SLC9A3: variants seen among roughly 807,000 people sequenced by gnomAD.
SLC9A3 encodes sodium/hydrogen exchanger 3.
Under a neutral mutation model 86.8 loss-of-function variants are expected in SLC9A3, and 37 were observed. The observed-to-expected ratio is 0.43, with a 90% CI of 0.33 to 0.56. SLC9A3 has a LOEUF of 0.56. SLC9A3 is among the 20% of genes least tolerant of loss of function. The pLI, the probability that SLC9A3 is intolerant of heterozygous loss-of-function variation, is 0.06. For missense variants in SLC9A3, 1,011 were observed against 1,171.9 expected (o/e 0.86, Z 2.00); for synonymous variants, 581 against 528.3 (o/e 1.10, Z -1.37).
At chr5:475,982 C>A in intron 14 of SLC9A3, 38 bp downstream of exon 14, 1 of 1,546,370 alleles carries the variant, frequency 6.5e-7, no homozygotes, top group Non-Finnish European at 8.8e-7. Context: ...GAGGTGGTGG[C>A]TCCCAGTCCC....
chr5:524,151 T>C lies in SLC9A3; in HGVS notation c.172A>G (p.Ile58Val). The change falls in exon 1 of 17, where the codon ATC (isoleucine) becomes GTC (valine). Residue 58 changes from isoleucine to valine, a missense_variant. Ile to Val is a conservative substitution (Grantham distance 29). Around this residue, in one of 3 missense-constraint regions of SLC9A3, gnomAD observed 565 missense variants for 790.0 expected, o/e 0.72. Transcript: ENST00000264938. Reference sequence around the variant, plus strand: ...CTGGCCACGAGGATCCAGAGCGCGATGACGTAGGGATCCTGCACGTGGGCC... The same window carrying C: ...CTGGCCACGAGGATCCAGAGCGCGACGACGTAGGGATCCTGCACGTGGGCC... ...EWAHVQDPYV[I>V]ALWILVASLA... 1 of 1,543,458 alleles carries C rather than the reference T, an allele frequency of 6.5e-7. No individual in the cohort carries two copies. Among genetic ancestry groups the C allele is most frequent in the East Asian group, 2.6e-5 (1 of 37,802 alleles).
At chr5:477,553 T>C (rs1738831703) in intron 10 of SLC9A3, 109 bp from the exon 11 acceptor site, 1 of 681,722 alleles carries the variant, frequency 1.5e-6, no homozygotes, top group Non-Finnish European at 2.4e-6. Context: ...GGGAAAGCCT[T>C]GAGACCTGAG....
At chr5:484,832 C>G (rs1021586225) in intron 4 of SLC9A3, 135 bp from the exon 5 acceptor site, 11 of 826,240 alleles carry the variant, frequency 1.3e-5, no homozygotes, top group South Asian at 1.7e-5. Flanking sequence ...GAGATCGGGC[C>G]TGGTCTCAGC....
intron 5 of SLC9A3, 103 bp from the exon 6 acceptor site, chr5:483,585 C>T: frequency 1.2e-6 from 1 of 838,262 alleles, no homozygotes; most frequent in Non-Finnish European, 2.0e-6. Context: ...GGCCCAGAGT[C>T]ACAGTTGTGT....
chr5:478,729 C>G (rs1376303442), intron 10 of SLC9A3: 1 of 154,636 alleles, frequency 6.5e-6, no homozygotes, highest in Non-Finnish European at 1.5e-5. Context: ...AGAGCCCCCA[C>G]TGTCCCTTCC....
chr5:481,432 C>T (rs578156245), intron 9 of SLC9A3, 133 bp downstream of exon 9: 21 of 797,784 alleles, frequency 2.6e-5, no homozygotes, highest in Admixed American at 3.7e-5. Context: ...CACCTGGCCT[C>T]ATGGGGCACC....
chr5:518,110 G>A (rs1386938425), intron 1 of SLC9A3, among the ~76,000 whole-genome samples: 1 of 152,272 alleles, frequency 6.6e-6, no homozygotes, highest in Non-Finnish European at 1.5e-5. Flanking sequence ...GGAGGAATAA[G>A]ACAGACAACC....
chr5:482,362 A>AT (rs1383453784), intron 7 of SLC9A3, among the ~76,000 whole-genome samples, 186 bp downstream of exon 7: 1 of 152,120 alleles, frequency 6.6e-6, no homozygotes, highest in Non-Finnish European at 1.5e-5. Flanking sequence ...CGGGAAGAAC[A>AT]TTTTTAGGAC....
chr5:490,280 C>CGT (rs1036676598), intron 2 of SLC9A3, among the ~76,000 whole-genome samples: 1 of 74,360 alleles, frequency 1.3e-5, no homozygotes, highest in Non-Finnish European at 3.0e-5. Context: ...TCATGAGGAG[C>CGT]GTTGTTGGAG....
At chr5:502,342 GC>G (rs1740317231) in intron 1 of SLC9A3, among the ~76,000 whole-genome samples, 3 of 152,158 alleles carry the variant, frequency 2.0e-5, no homozygotes, top group African/African-American at 7.2e-5. Context: ...ACAGACACAG[GC>G]AGGTCCCAAG....
chr5:505,954 G>A lies in SLC9A3; in HGVS notation c.212-13883C>T, dbSNP rs949932987. ...TGGGGTTAGGGTTGGGGTGCAGGTG[G>A]AGCCTCTGAAAGGCTTTGAGGAGTT... is the stretch of plus-strand genomic sequence containing the variant. On this transcript the variant is annotated intron_variant, in intron 1 of 16. Transcript: ENST00000264938. 7.2e-5 allele frequency among the ~76,000 whole-genome samples: 11 copies of A among 152,012 alleles called. No individual in the cohort carries two copies. In the East Asian group the frequency reaches 2.1e-3, roughly 29 times the overall value.
rs1560966715 is a variant in SLC9A3 at position 500,644 on chromosome 5, GTGGACATGGGGCTAGTATGGATGGGGCT to G, written c.212-8601_212-8574del. ...TGGGGCAGGCGTGGATGGGGCTGGT[GTGGACATGGGGCTAGTATGGATGGGGCT>G]GGTGTGGATGGGGCCGTGTGGATGG... On this transcript the variant is annotated intron_variant, in intron 1 of 16. Transcript: ENST00000264938. Among the ~76,000 whole-genome samples the G allele has an allele frequency of 3.2e-4, 39 of 122,046 alleles. 2 individuals are homozygous for G. Among genetic ancestry groups the G allele is most frequent in the African/African-American group, 1.4e-3 (36 of 26,484 alleles). The allele number at this position is 122,046 out of a possible 152,430, so 80.1% of individuals were successfully genotyped here.
At chr5:473,744 A>C (rs111881263) in intron 16 of SLC9A3, among the ~76,000 whole-genome samples, 1 of 152,138 alleles carries the variant, frequency 6.6e-6, no homozygotes, top group South Asian at 2.1e-4. Flanking sequence ...GGTGCCTCCC[A>C]GGCCCCCAGA....
In SLC9A3 at chr5:477,434, C is replaced by A. The variant is rs138322600; in HGVS notation, c.1658G>T (p.Arg553Leu). The A allele has an allele frequency of 2.5e-6, 4 of 1,611,688 alleles. No individual in the cohort carries two copies. The South Asian group carries it at 4.4e-5, about 18-fold the overall frequency. Residue 553 changes from arginine to leucine, a missense_variant, in exon 11 of 17, where the codon CGC (arginine) becomes CTC (leucine). Arg to Leu is a moderately radical substitution (Grantham distance 102). Transcript: ENST00000264938. ...AISYVAEGERRGSLAFIRSPS... is the reference protein window; with the variant it reads ...AISYVAEGERLGSLAFIRSPS... The stretch of plus-strand genomic sequence containing the variant: ...GGAGCGGATGAAGGCCAGGGACCCG[C>A]GGCGCTCTCCCTGTGGTCAGGAAGC...
chr5:481,571 C>G lies in SLC9A3; in HGVS notation c.1511G>C (p.Arg504Thr). 6.2e-7 allele frequency: 1 copy of G among 1,613,780 alleles called. No individual in the cohort carries two copies. Among genetic ancestry groups the G allele is most frequent in the Admixed American group, 1.7e-5 (1 of 60,022 alleles). ...ISGQIGHNYL[R>T]DKWSHFDRKF... Reference sequence around the variant, plus strand: ...GGCCGTCCCAGCCACTTACTTGTCTCTGAGATAATTGTGCCCGATCTGTCC... The same window carrying G: ...GGCCGTCCCAGCCACTTACTTGTCTGTGAGATAATTGTGCCCGATCTGTCC... The change falls in exon 9 of 17, where the codon AGA becomes ACA. Residue 504 changes from arginine (R) to threonine (T), a missense_variant. By Grantham distance (71) the Arg-to-Thr change is moderately conservative. This residue lies in a region of SLC9A3 where 565 missense variants were observed against 790.0 expected (regional missense o/e 0.72). Transcript: ENST00000264938.
chr5:476,508 G>A (rs1426069902), intron 12 of SLC9A3, 35 bp downstream of exon 12: 2 of 1,607,176 alleles, frequency 1.2e-6, no homozygotes, highest in Admixed American at 3.3e-5. Context: ...CGGGGTCCCT[G>A]CGGGGTCCTC....
intron 2 of SLC9A3, among the ~76,000 whole-genome samples, chr5:490,502 G>A (rs1383774315): frequency 3.9e-5 from 6 of 152,222 alleles, no homozygotes; most frequent in African/African-American, 9.6e-5. Context: ...AATGCTAGGC[G>A]GGGACCATTG....
At chr5:488,250 G>C (rs1050934286) in intron 3 of SLC9A3, 66 bp downstream of exon 3, 51 of 1,559,772 alleles carry the variant, frequency 3.3e-5, no homozygotes, top group Middle Eastern at 1.7e-4. Context: ...CTGACCGATG[G>C]GGGGTGAGAC....
chr5:523,800 C>G (rs897717773), intron 1 of SLC9A3, among the ~76,000 whole-genome samples: 10 of 152,194 alleles, frequency 6.6e-5, no homozygotes, highest in African/African-American at 2.4e-4. Context: ...ACTCCCTGGG[C>G]GCGAGCAGCC....
Sources: allele counts gnomAD v4.1 joint callset (sites outside exome capture counted in the v4.1 genomes callset), GRCh38; gene constraint gnomAD v4.1.1; regional missense constraint gnomAD v4.1.1; transcripts MANE v1.5; gene names NCBI Gene and HGNC (gene_info 2026-07-23, HGNC 2026-07-21).